PPA2: variants seen among roughly 807,000 people sequenced by gnomAD.
PPA2 encodes inorganic pyrophosphatase 2, also known as inorganic pyrophosphatase 2, mitochondrial.
PPA2 carries 48 observed loss-of-function variants against 49.5 expected under a neutral mutation model. The observed-to-expected ratio is 0.97, with a 90% CI of 0.77 to 1.23. The LOEUF is 1.23. PPA2 is among the 50% of genes most tolerant of loss of function. PPA2 has a pLI of 0.00. For synonymous variants in PPA2, 131 were observed against 139.9 expected, an observed-to-expected ratio of 0.94 and a Z score of 0.45; for missense variants, 429 against 410.1, an observed-to-expected ratio of 1.05 and a Z score of -0.40.
At chr4:105,406,133 C>T (rs1397104406) in intron 7 of PPA2, among the ~76,000 whole-genome samples, 13 of 99,832 alleles carry the variant, frequency 1.3e-4, no homozygotes, top group African/African-American at 3.7e-4. Flanking sequence ...AAAAAAAGAA[C>T]CAAAAGGAGG....
chr4:105,438,078 T>A (rs766718377), intron 5 of PPA2, 42 bp from the exon 6 acceptor site: 1 of 1,268,644 alleles, frequency 7.9e-7, no homozygotes, highest in South Asian at 1.3e-5. Context: ...TGTAAGTTAA[T>A]ACTATAATGT....
At chr4:105,393,165 C>T (rs1733992060) in intron 9 of PPA2, among the ~76,000 whole-genome samples, 1 of 151,992 alleles carries the variant, frequency 6.6e-6, no homozygotes, top group South Asian at 2.1e-4. Flanking sequence ...CTTGGACGGC[C>T]TTGTTTGTTT....
intron 7 of PPA2, among the ~76,000 whole-genome samples, chr4:105,421,398 CT>C (rs1324531916): frequency 4.6e-5 from 7 of 151,962 alleles, no homozygotes; most frequent in African/African-American, 1.2e-4. Flanking sequence ...ATTTTATGTA[CT>C]TTTTTTATAC....
At chr4:105,388,829 AAAAAAAG>A (rs1230691792) in intron 9 of PPA2, among the ~76,000 whole-genome samples, 22 of 117,372 alleles carry the variant, frequency 1.9e-4, no homozygotes, top group African/African-American at 3.8e-4. Context: ...CGTCTCCAAA[AAAAAAAG>A]AAAAAAAAAA....
chr4:105,454,577 G>A (rs113041619), intron 2 of PPA2, among the ~76,000 whole-genome samples: 4,892 of 152,042 alleles, frequency 0.032, 116 homozygotes, highest in Middle Eastern at 0.054. Flanking sequence ...CTCATGATCC[G>A]CCTGCCTTGG....
intron 6 of PPA2, among the ~76,000 whole-genome samples, chr4:105,425,316 G>A (rs530648823): frequency 6.6e-6 from 1 of 152,094 alleles, no homozygotes; most frequent in South Asian, 2.1e-4. Flanking sequence ...AACAACTACT[G>A]TAAATATGCT....
chr4:105,403,730 C>T (rs1206979037), intron 7 of PPA2, among the ~76,000 whole-genome samples: 1 of 152,006 alleles, frequency 6.6e-6, no homozygotes, highest in African/African-American at 2.4e-5. Context: ...GAAAACCTAC[C>T]ATTTTATCTC....
At chr4:105,425,760 A>ACACC (rs1723475897) in intron 6 of PPA2, among the ~76,000 whole-genome samples, 1 of 141,340 alleles carries the variant, frequency 7.1e-6, no homozygotes, top group Non-Finnish European at 1.5e-5. Flanking sequence ...ACACACACAC[A>ACACC]CACCCATCAG....
At position 105,437,961 on chromosome 4, in the gene PPA2, T is replaced by C. The variant is rs745745034; in HGVS notation, c.517A>G (p.Ile173Val). ...TCTATAAAACAAACCTTTGAGCCTA[T>C]TTCGCAAACATCAATAGGATCATTA... ...GDNDPIDVCE[I>V]GSKILSCGEV... Residue 173 changes from isoleucine to valine, a missense_variant, in exon 6 of 12, where the codon ATA (isoleucine) becomes GTA (valine). Coordinates refer to ENST00000341695, the MANE Select transcript of PPA2 (RefSeq NM_176869.3). The C allele has an allele frequency of 1.9e-6, 3 of 1,605,232 alleles. No individual in the cohort carries two copies. The Admixed American group carries it at 5.2e-5, about 28-fold the overall frequency.
intron 7 of PPA2, among the ~76,000 whole-genome samples, chr4:105,403,106 C>CT (rs1722299880): frequency 6.6e-6 from 1 of 152,090 alleles, no homozygotes; most frequent in African/African-American, 2.4e-5. Flanking sequence ...TCACTGCAAC[C>CT]TTGACTTCCA....
intron 6 of PPA2, among the ~76,000 whole-genome samples, chr4:105,437,329 G>A (rs1419256740): frequency 1.3e-5 from 2 of 152,156 alleles, no homozygotes; most frequent in African/African-American, 4.8e-5. Flanking sequence ...TTGAATGTCT[G>A]CAGAGAACAA....
intron 6 of PPA2, among the ~76,000 whole-genome samples, chr4:105,428,538 A>AAGC (rs1723637040): frequency 6.6e-6 from 1 of 151,218 alleles, no homozygotes; most frequent in Admixed American, 6.6e-5. Flanking sequence ...AAAAAAAAAA[A>AAGC]GCAGGGGTTT....
Position 105,391,537 on chromosome 4 carries a change from A to G in PPA2, c.869+4712T>C, listed in dbSNP as rs183505704. 3.2e-4 allele frequency among the ~76,000 whole-genome samples: 40 copies of G among 124,940 alleles called. No homozygotes were observed. In the Admixed American group the frequency reaches 3.5e-3, roughly 11 times the overall value. The allele number at this position is 124,940 out of a possible 152,430, so 82.0% of individuals were successfully genotyped here. A position where few individuals can be genotyped will look rare whatever the true frequency, so the allele number is the denominator to read the frequency against. On this transcript the variant is annotated intron_variant, in intron 9 of 11. Transcript: ENST00000341695. ...CTGAGGTAAAAACTCAATACAAAGTATTAAAAAAAAATCCACCTCCAGTTC... is the reference window on the plus strand; with the variant it reads ...CTGAGGTAAAAACTCAATACAAAGTGTTAAAAAAAAATCCACCTCCAGTTC...
intron 11 of PPA2, 107 bp from the exon 12 acceptor site, chr4:105,369,860 A>G: frequency 9.7e-7 from 1 of 1,026,574 alleles, no homozygotes; most frequent in East Asian, 2.4e-5. Flanking sequence ...TTAGGCAGAT[A>G]CAAACAGTCA....
chr4:105,446,187 G>C, intron 5 of PPA2, 196 bp downstream of exon 5: 1 of 424,454 alleles, frequency 2.4e-6, no homozygotes, highest in Non-Finnish European at 4.0e-6. Flanking sequence ...CCAAGAACTT[G>C]AGTATAGACA....
intron 1 of PPA2, among the ~76,000 whole-genome samples, chr4:105,460,008 A>G (rs958027646): frequency 6.6e-6 from 1 of 152,234 alleles, no homozygotes; most frequent in Non-Finnish European, 1.5e-5. Flanking sequence ...TTTCTGTCAA[A>G]ACTCAGAAGT....
intron 10 of PPA2, among the ~76,000 whole-genome samples, chr4:105,385,460 C>T (rs766065120): frequency 6.7e-6 from 1 of 149,682 alleles, no homozygotes; most frequent in African/African-American, 2.5e-5. Flanking sequence ...ACAAAAAAAA[C>T]AATAAATTAA....
At chr4:105,450,791 T>A (rs1722643727) in intron 3 of PPA2, among the ~76,000 whole-genome samples, 1 of 152,020 alleles carries the variant, frequency 6.6e-6, no homozygotes, top group Non-Finnish European at 1.5e-5. Context: ...GTATTTTTAG[T>A]AGAGACAGGG....
intron 1 of PPA2, among the ~76,000 whole-genome samples, chr4:105,464,461 T>A (rs949147813): frequency 1.3e-5 from 2 of 152,198 alleles, no homozygotes; most frequent in Non-Finnish European, 2.9e-5. Flanking sequence ...TGAGTTAATG[T>A]TGAAATGAGT....
Sources: gnomAD v4.1 joint callset for allele counts (sites outside exome capture counted in the v4.1 genomes callset) on GRCh38, gnomAD v4.1.1 for gene constraint, MANE v1.5 for transcripts, NCBI Gene and HGNC (gene_info 2026-07-23, HGNC 2026-07-21) for gene names.